Variants in CDK12 observed in about 807,000 individuals in gnomAD.
The protein encoded by CDK12 is cyclin dependent kinase 12.
Under a neutral mutation model 133.8 loss-of-function variants are expected in CDK12, and 17 were observed. The ratio of observed to expected loss-of-function variants is 0.13; its 90% confidence interval spans 0.09 to 0.19. CDK12 has a LOEUF of 0.19. Among genes scored for constraint, CDK12 ranks in the 10% least tolerant of loss-of-function variants. The pLI, the probability that CDK12 is intolerant of heterozygous loss-of-function variation, is 1.00. For missense variants in CDK12, 1,508 were observed against 1,818.7 expected, an observed-to-expected ratio of 0.83 and a Z score of 3.11; for synonymous variants, 694 against 683.6, an observed-to-expected ratio of 1.02 and a Z score of -0.24.
At chr17:39,492,264 T>G (rs1303028999) in intron 3 of CDK12, among the ~76,000 whole-genome samples, 5 of 148,138 alleles carry the variant, frequency 3.4e-5, no homozygotes, top group Non-Finnish European at 6.0e-5. Context: ...GCCCGGCTAA[T>G]TTTTTGTATA....
At chr17:39,520,582 G>A (rs985319690) in intron 11 of CDK12, among the ~76,000 whole-genome samples, 1 of 151,884 alleles carries the variant, frequency 6.6e-6, no homozygotes, top group Non-Finnish European at 1.5e-5. Flanking sequence ...GTAGAGACGG[G>A]GTTACACCTT....
chr17:39,473,092 A>G (rs2049925261), intron 2 of CDK12, among the ~76,000 whole-genome samples: 1 of 151,814 alleles, frequency 6.6e-6, no homozygotes, highest in Admixed American at 6.6e-5. Flanking sequence ...AAAAAAAGCT[A>G]TCAATAATCA....
At chr17:39,492,469 G>T (rs1233260593) in intron 3 of CDK12, among the ~76,000 whole-genome samples, 4 of 147,854 alleles carry the variant, frequency 2.7e-5, no homozygotes, top group Non-Finnish European at 4.5e-5. Flanking sequence ...GTGCAGTGGC[G>T]CATTCTTGGC....
chr17:39,499,307 A>C (rs2052540400), intron 5 of CDK12, among the ~76,000 whole-genome samples: 1 of 148,188 alleles, frequency 6.7e-6, no homozygotes, highest in African/African-American at 2.5e-5. Flanking sequence ...TCCTGGGTTC[A>C]AGCGATTGTC....
At position 39,471,365 on chromosome 17, in the gene CDK12, G is replaced by T; in HGVS notation, c.1533G>T (p.Glu511Asp). ...RDSKPIALKE[E>D]IVTPKETETS... ...CTAAACCCATAGCACTGAAAGAGGAGATTGTTACTCCAAAGGAGACAGAAA... is the reference window on the plus strand; with the variant it reads ...CTAAACCCATAGCACTGAAAGAGGATATTGTTACTCCAAAGGAGACAGAAA... The change falls in exon 2 of 14, where the codon GAG becomes GAT. Residue 511 changes from glutamate to aspartate, a missense_variant. Glu to Asp is a conservative substitution (Grantham distance 45, BLOSUM62 2). Around this residue, in one of 9 missense-constraint regions of CDK12, gnomAD observed 347 missense variants for 330.8 expected, o/e 1.05. Coordinates refer to ENST00000447079, the MANE Select transcript of CDK12 (RefSeq NM_016507.4). 1 of 1,614,048 alleles carries T rather than the reference G, an allele frequency of 6.2e-7. No individual in the cohort carries two copies. The highest frequency in any genetic ancestry group is 8.5e-7 in the Non-Finnish European group (1 of 1,180,018).
At chr17:39,506,638 G>A (rs1176844892) in intron 6 of CDK12, among the ~76,000 whole-genome samples, 4 of 152,142 alleles carry the variant, frequency 2.6e-5, no homozygotes, top group Non-Finnish European at 4.4e-5. Flanking sequence ...CTAAGGCAAC[G>A]AGGAAGACAA....
intron 2 of CDK12, among the ~76,000 whole-genome samples, chr17:39,551,698 A>T (rs1247950238): frequency 2.0e-5 from 3 of 152,190 alleles, no homozygotes; most frequent in Non-Finnish European, 4.4e-5. Flanking sequence ...TAGAGCTCTT[A>T]GACCCCTCTG....
chr17:39,510,106 A>ATC (rs1167524992), intron 7 of CDK12, among the ~76,000 whole-genome samples: 2,576 of 145,102 alleles, frequency 0.018, 108 homozygotes, highest in African/African-American at 0.064. Flanking sequence ...CTGGGCAACA[A>ATC]TCTCTCTCTT....
intron 2 of CDK12, among the ~76,000 whole-genome samples, 155 bp downstream of exon 2, chr17:39,471,918 G>A (rs1255846632): frequency 1.3e-5 from 2 of 152,120 alleles, no homozygotes; most frequent in African/African-American, 4.8e-5. Context: ...ATTATTACTT[G>A]GGAAGAGAGA....
intron 3 of CDK12, among the ~76,000 whole-genome samples, chr17:39,562,506 A>G (rs749373210): frequency 1.3e-5 from 2 of 152,094 alleles, no homozygotes; most frequent in Middle Eastern, 3.4e-3. Flanking sequence ...CTGCTTCTCT[A>G]TTCAGGTCCC....
At chr17:39,538,250 TC>T (rs1385375844), downstream of CDK12, among the ~76,000 whole-genome samples, 1 of 152,250 alleles carries the variant, frequency 6.6e-6, no homozygotes, top group African/African-American at 2.4e-5. Flanking sequence ...ATTTCAAAAC[TC>T]CTGCAAGTGG....
chr17:39,558,325 G>T (rs900415744), intron 3 of CDK12, among the ~76,000 whole-genome samples: 14 of 152,192 alleles, frequency 9.2e-5, no homozygotes, highest in African/African-American at 2.7e-4. Flanking sequence ...AGGATGGAGG[G>T]GGGAGAGATA....
chr17:39,534,112 T>C lies in CDK12; in HGVS notation c.*2796T>C, dbSNP rs1236801757. 3 of 232,734 alleles carry C rather than the reference T, an allele frequency of 1.3e-5. No individual in the cohort carries two copies. The highest frequency in any genetic ancestry group is 2.2e-5 in the African/African-American group (1 of 45,336). 14.4% of individuals were successfully genotyped at this position (232,734 alleles called of 1,614,324 possible). On this transcript the variant is annotated 3_prime_UTR_variant, in exon 14 of 14. Transcript: ENST00000447079. ...TTTGTGGTTTTGAAAACAAATATAC[T>C]TGACCCAGTTTCCTTAGTTTTTTCT...
Position 39,471,678 on chromosome 17 carries a change from A to G in CDK12, c.1846A>G (p.Thr616Ala), listed in dbSNP as rs1176362251. The G allele has an allele frequency of 1.2e-6, 2 of 1,613,930 alleles. No homozygotes were observed. The change falls in exon 2 of 14, where the codon ACA (threonine) becomes GCA (alanine). Residue 616 changes from threonine to alanine, a missense_variant. Thr to Ala is a moderately conservative substitution (Grantham distance 58, BLOSUM62 0). Transcript: ENST00000447079. The stretch of plus-strand genomic sequence containing the variant: ...TTCTGTGAAGACTCAAGTATCTGTA[A>G]CAGCTGCTATTCCACACCTGAAAAC... ...QVSVKTQVSVTAAIPHLKTST... is the reference protein window; with the variant it reads ...QVSVKTQVSVAAAIPHLKTST...
chr17:39,525,900 A>G lies in CDK12; in HGVS notation c.3344A>G (p.Glu1115Gly), dbSNP rs1260071002. The stretch of plus-strand genomic sequence containing the variant: ...ATCACACAACAGCTGAATCAAAGTG[A>G]ATTGGCAGTGTTATTAAACCTGCTG... ...ADITQQLNQSELAVLLNLLQS... is the reference protein window; with the variant it reads ...ADITQQLNQSGLAVLLNLLQS... Residue 1115 changes from glutamate (E) to glycine (G), a missense_variant, in exon 13 of 14, where the codon GAA (glutamate) becomes GGA (glycine). Transcript: ENST00000447079. 6.2e-7 allele frequency: 1 copy of G among 1,614,158 alleles called. No individual in the cohort carries two copies. The highest frequency in any genetic ancestry group is 8.5e-7 in the Non-Finnish European group (1 of 1,180,000).
rs67125473 is a variant in CDK12, at chr17:39,479,924, CTTTTT to C, written c.1931+8173_1931+8177del. On this transcript the variant is annotated intron_variant, in intron 2 of 13. Transcript: ENST00000447079. ...TTACAGGCGTGAGTCACTGCACTGGCTTTTTTTTTTTTTTTTAAGACAGAGTTTTG... is the reference window on the plus strand; with the variant it reads ...TTACAGGCGTGAGTCACTGCACTGGCTTTTTTTTTTTAAGACAGAGTTTTG... 2.8e-5 allele frequency among the ~76,000 whole-genome samples: 4 copies of C among 140,878 alleles called. No homozygotes were observed. The East Asian group carries it at 8.3e-4, about 29-fold the overall frequency. The allele number at this position is 140,878 out of a possible 152,430, so 92.4% of individuals were successfully genotyped here. A position where few individuals can be genotyped will look rare whatever the true frequency, so the allele number is the denominator to read the frequency against.
chr17:39,544,389 C>G (rs997365523), upstream of CDK12: 6 of 470,472 alleles, frequency 1.3e-5, no homozygotes, highest in Admixed American at 1.4e-4. Flanking sequence ...TCAGAGGTCA[C>G]TGGCCTGCTT....
intron 6 of CDK12, among the ~76,000 whole-genome samples, chr17:39,506,014 G>A (rs1029049134): frequency 2.6e-5 from 4 of 152,110 alleles, no homozygotes; most frequent in Admixed American, 2.0e-4. Flanking sequence ...ACTGAAAAAG[G>A]TCATTTACTA....
At chr17:39,486,441 A>T (rs1033637540) in intron 2 of CDK12, among the ~76,000 whole-genome samples, 2 of 150,484 alleles carry the variant, frequency 1.3e-5, no homozygotes, top group Non-Finnish European at 3.0e-5. Flanking sequence ...AACTTTGTTT[A>T]TTTTTTTTAG....
Sources: allele counts gnomAD v4.1 joint callset (sites outside exome capture counted in the v4.1 genomes callset), GRCh38; gene constraint gnomAD v4.1.1; regional missense constraint gnomAD v4.1.1; transcripts MANE v1.5; gene names NCBI Gene and HGNC (gene_info 2026-07-23, HGNC 2026-07-21).